Variants in WDR64 observed in about 807,000 individuals in gnomAD.
WDR64 encodes WD repeat domain 64.
WDR64 carries 112 observed loss-of-function variants against 139.3 expected under a neutral mutation model. The observed-to-expected ratio is 0.80, with a 90% CI of 0.69 to 0.94. The LOEUF (loss-of-function observed/expected upper bound fraction) is 0.94, where lower values mean the gene tolerates loss of function less well. Among genes scored for constraint, WDR64 ranks in the 40% least tolerant of loss-of-function variants. The probability of loss-of-function intolerance (pLI) is 0.00; values close to 1 mark genes in which losing one functional copy is unlikely to be tolerated. For synonymous variants in WDR64, 444 were observed against 437.7 expected, an observed-to-expected ratio of 1.01 and a Z score of -0.18; for missense variants, 1,206 against 1,293.1, an observed-to-expected ratio of 0.93 and a Z score of 1.03.
chr1:241,756,739 G>T (rs1425840470), intron 14 of WDR64, among the ~76,000 whole-genome samples: 1 of 152,100 alleles, frequency 6.6e-6, no homozygotes, highest in African/African-American at 2.4e-5. Context: ...TTATAGTTAG[G>T]TCATTTTACC....
chr1:241,767,648 G>T (rs369778638), intron 16 of WDR64, among the ~76,000 whole-genome samples: 3 of 152,142 alleles, frequency 2.0e-5, no homozygotes, highest in East Asian at 3.9e-4. Context: ...CAAAAGAAAT[G>T]TCTGCCTCTC....
At chr1:241,745,384 G>C (rs886080007) in intron 13 of WDR64, among the ~76,000 whole-genome samples, 3 of 151,860 alleles carry the variant, frequency 2.0e-5, no homozygotes, top group Non-Finnish European at 4.4e-5. Flanking sequence ...TGAGAAAGCA[G>C]TCTTAACTGT....
rs376622617 is a variant in WDR64, at chr1:241,677,243, T to A, written c.484-944T>A. 4.5e-5 allele frequency: 18 copies of A among 397,796 alleles called. No homozygotes were observed. In the East Asian group the frequency reaches 6.1e-4, roughly 13 times the overall value. The allele number at this position is 397,796 out of a possible 1,614,324, so 24.6% of individuals were successfully genotyped here. On this transcript the variant is annotated intron_variant, in intron 4 of 27. Transcript: ENST00000437684. Reference sequence around the variant, plus strand: ...GAGGACTTTAAACAGGTGACTTCCATTAAAGATATATATAGAGAAAGAGAA... The same window carrying A: ...GAGGACTTTAAACAGGTGACTTCCAATAAAGATATATATAGAGAAAGAGAA...
intron 1 of WDR64, among the ~76,000 whole-genome samples, chr1:241,654,358 A>C (rs1336500251): frequency 1.3e-5 from 2 of 152,152 alleles, no homozygotes; most frequent in Non-Finnish European, 2.9e-5. Context: ...CAATCTACTC[A>C]GGTCTGGCTT....
intron 13 of WDR64, 43 bp downstream of exon 13, chr1:241,744,559 C>T: frequency 1.2e-6 from 2 of 1,607,262 alleles, no homozygotes; most frequent in Non-Finnish European, 1.7e-6. Context: ...CTTTAGTGTC[C>T]TGAGAATTTC....
chr1:241,713,381 GA>G (rs1558486279), intron 9 of WDR64, among the ~76,000 whole-genome samples: 2 of 126,666 alleles, frequency 1.6e-5, no homozygotes, highest in South Asian at 3.1e-4. Flanking sequence ...GGAAGGGAAG[GA>G]AAGGAAGGAA....
chr1:241,761,348 A>G (rs1657886639), intron 15 of WDR64, among the ~76,000 whole-genome samples: 1 of 152,186 alleles, frequency 6.6e-6, no homozygotes, highest in African/African-American at 2.4e-5. Flanking sequence ...CAACCATTCT[A>G]TGACCTTTAA....
At chr1:241,753,974 A>G (rs940531281) in intron 14 of WDR64, among the ~76,000 whole-genome samples, 2 of 152,134 alleles carry the variant, frequency 1.3e-5, no homozygotes, top group African/African-American at 4.8e-5. Context: ...CAAGTCACAG[A>G]CCGTGAAAAG....
chr1:241,770,802 A>T, intron 18 of WDR64, 112 bp downstream of exon 18: 1 of 937,104 alleles, frequency 1.1e-6, no homozygotes, highest in Non-Finnish European at 1.5e-6. Flanking sequence ...ACAGTGGAAG[A>T]ATTCTGTGTG....
intron 8 of WDR64, among the ~76,000 whole-genome samples, chr1:241,700,293 TTC>T (rs1278700582): frequency 6.6e-6 from 1 of 151,290 alleles, no homozygotes; most frequent in East Asian, 2.0e-4. Context: ...AGAATATCTG[TTC>T]TCTCTCTGTC....
chr1:241,774,909 A>G (rs1658592652), intron 20 of WDR64, among the ~76,000 whole-genome samples, 196 bp from the exon 21 acceptor site: 1 of 152,198 alleles, frequency 6.6e-6, no homozygotes, highest in South Asian at 2.1e-4. Context: ...CCATACCTTT[A>G]GTATATTTAA....
At chr1:241,734,857 G>A (rs552200988) in intron 10 of WDR64, among the ~76,000 whole-genome samples, 103 of 152,290 alleles carry the variant, frequency 6.8e-4, no homozygotes, top group Non-Finnish European at 1.1e-3. Flanking sequence ...TAGGTGTATG[G>A]TAAGCTATAC....
chr1:241,773,474 T>C (rs761640056), intron 20 of WDR64, among the ~76,000 whole-genome samples: 2 of 152,062 alleles, frequency 1.3e-5, no homozygotes, highest in Non-Finnish European at 2.9e-5. Context: ...AGTTGTTTGT[T>C]TGTTTGTTTT....
intron 8 of WDR64, among the ~76,000 whole-genome samples, chr1:241,697,987 A>G (rs914891961): frequency 2.6e-5 from 4 of 152,170 alleles, no homozygotes; most frequent in African/African-American, 2.4e-5. Context: ...TCCTTAGCCA[A>G]CTTTTCTTCT....
At chr1:241,772,072 A>G (rs1574086461) in intron 19 of WDR64, among the ~76,000 whole-genome samples, 1 of 147,570 alleles carries the variant, frequency 6.8e-6, no homozygotes, top group East Asian at 2.0e-4. Context: ...GCCTTCTTAA[A>G]TACTAATTCT....
At chr1:241,783,815 C>T (rs1312738211) in intron 23 of WDR64, among the ~76,000 whole-genome samples, 1 of 151,940 alleles carries the variant, frequency 6.6e-6, no homozygotes, top group East Asian at 1.9e-4. Context: ...TTTTGCAAAG[C>T]CTATTGTTAT....
At chr1:241,733,528 T>A (rs1452411738) in intron 10 of WDR64, among the ~76,000 whole-genome samples, 3 of 152,012 alleles carry the variant, frequency 2.0e-5, no homozygotes, top group Non-Finnish European at 4.4e-5. Flanking sequence ...TTATTTTTAC[T>A]GCTACTAGAA....
At position 241,656,862 on chromosome 1, in the gene WDR64, G is replaced by C. The variant is rs1016923046; in HGVS notation, c.146-3668G>C. Among the ~76,000 whole-genome samples the C allele has an allele frequency of 7.0e-6, 1 of 142,186 alleles. No homozygotes were observed. The highest frequency in any genetic ancestry group is 2.1e-4 in the East Asian group (1 of 4,760). 93.3% of individuals were successfully genotyped at this position (142,186 alleles called of 152,430 possible). ...ACAGTCAAAAATGTCTCAAGTCTTT[G>C]CCAAATGTTGTGTGTGTGTGTGTGT... is the stretch of plus-strand genomic sequence containing the variant. On this transcript the variant is annotated intron_variant, in intron 1 of 27. Coordinates refer to ENST00000437684, the MANE Select transcript of WDR64 (RefSeq NM_001367482.1). This position sits in a 1 kb window ranked among gnomAD's most constrained non-coding sequence, Gnocchi z 4.3.
chr1:241,760,046 G>T (rs1670365788), intron 15 of WDR64, among the ~76,000 whole-genome samples: 1 of 152,118 alleles, frequency 6.6e-6, no homozygotes, highest in Non-Finnish European at 1.5e-5. Context: ...GTATGTCACA[G>T]CGTCCTTCCT....
Sources: allele counts gnomAD v4.1 joint callset (sites outside exome capture counted in the v4.1 genomes callset), GRCh38; gene constraint gnomAD v4.1.1; non-coding constraint Gnocchi (gnomAD v3.1); transcripts MANE v1.5; gene names NCBI Gene and HGNC (gene_info 2026-07-23, HGNC 2026-07-21).